Variants in IQCJ observed in about 807,000 individuals in gnomAD.
IQCJ encodes the protein IQ motif containing J.
IQCJ carries 9 observed loss-of-function variants against 11.0 expected under a neutral mutation model. That is an observed-to-expected ratio of 0.82 (90% confidence interval 0.49 to 1.43). IQCJ has a LOEUF of 1.43. IQCJ is among the 40% of genes most tolerant of loss of function. The pLI is 0.00. For missense variants in IQCJ, 146 were observed against 133.2 expected (o/e 1.10, Z -0.47); for synonymous variants, 55 against 51.3 (o/e 1.07, Z -0.31).
chr3:159,132,624 C>CT (rs1165749203), intron 1 of IQCJ, among the ~76,000 whole-genome samples: 3 of 152,194 alleles, frequency 2.0e-5, no homozygotes, highest in Non-Finnish European at 4.4e-5. Flanking sequence ...TGGAAAGAGC[C>CT]TTACTGATCA....
At chr3:159,133,659 A>G (rs1955513156) in intron 1 of IQCJ, among the ~76,000 whole-genome samples, 2 of 152,154 alleles carry the variant, frequency 1.3e-5, no homozygotes, top group South Asian at 4.1e-4. Context: ...TGGGAGGAAC[A>G]TTTTATAGTT....
chr3:159,201,627 CTTTTTTTTT>C (rs71144478), intron 1 of IQCJ, among the ~76,000 whole-genome samples: 4 of 70,314 alleles, frequency 5.7e-5, no homozygotes, highest in Admixed American at 2.1e-4. Context: ...GATAATGATT[CTTTTTTTTT>C]TTTTTTTTTT....
At chr3:159,165,213 A>C (rs1175924197) in intron 1 of IQCJ, among the ~76,000 whole-genome samples, 2 of 152,242 alleles carry the variant, frequency 1.3e-5, no homozygotes, top group African/African-American at 4.8e-5. Context: ...ACATACCCTA[A>C]GCTCAATTGC....
At chr3:159,209,829 T>C (rs920774151) in intron 1 of IQCJ, among the ~76,000 whole-genome samples, 2 of 152,146 alleles carry the variant, frequency 1.3e-5, no homozygotes, top group Non-Finnish European at 2.9e-5. Flanking sequence ...GAGCCAAAGA[T>C]CCTCCTGTAG....
intron 1 of IQCJ, among the ~76,000 whole-genome samples, chr3:159,190,830 A>G (rs1029830106): frequency 6.6e-6 from 1 of 152,208 alleles, no homozygotes; most frequent in East Asian, 1.9e-4. Context: ...TCAGGAGTAA[A>G]AGATATTTAG....
In IQCJ at chr3:159,107,743, C is replaced by T. The variant is rs115496557; in HGVS notation, c.9+38302C>T. On this transcript the variant is annotated intron_variant, in intron 1 of 3. Transcript: ENST00000397832. ...TCCATTTTATGGATGAAGAAACTGA[C>T]GTACAGAGAGGGTTAGCACATTACC... is the stretch of plus-strand genomic sequence containing the variant. Among the ~76,000 whole-genome samples the T allele has an allele frequency of 6.4e-3, 967 of 152,190 alleles. 4 individuals carry two copies. The highest frequency in any genetic ancestry group is 0.021 in the African/African-American group (854 of 41,534).
At chr3:159,084,583 A>G (rs1429472953) in intron 1 of IQCJ, among the ~76,000 whole-genome samples, 1 of 152,132 alleles carries the variant, frequency 6.6e-6, no homozygotes, top group East Asian at 1.9e-4. Context: ...TACTATTATT[A>G]TATCCACTTT....
chr3:159,216,177 A>G (rs910048587), intron 1 of IQCJ, among the ~76,000 whole-genome samples: 2 of 151,808 alleles, frequency 1.3e-5, no homozygotes, highest in Admixed American at 6.6e-5. Context: ...CAGGCATCCA[A>G]TGGGCTTGCC....
At position 159,263,144 on chromosome 3, in the gene IQCJ, T is replaced by A; in HGVS notation, c.*413T>A. ...TCTCCAGGGGCCAGGTAAGTCACCC[T>A]CATGACTGAGGTGGCTGAGCTGTGC... On this transcript the variant is annotated 3_prime_UTR_variant, in exon 4 of 4. Transcript: ENST00000397832. The A allele has an allele frequency of 2.3e-6, 2 of 858,898 alleles. No individual in the cohort carries two copies. The allele number at this position is 858,898 out of a possible 1,614,324, so 53.2% of individuals were successfully genotyped here.
chr3:159,072,696 A>G (rs1235746276), intron 1 of IQCJ, among the ~76,000 whole-genome samples: 2 of 152,194 alleles, frequency 1.3e-5, no homozygotes, highest in Non-Finnish European at 2.9e-5. Context: ...GCACTGCACT[A>G]AATACTTTAA....
intron 2 of IQCJ, among the ~76,000 whole-genome samples, chr3:159,252,350 A>C (rs554853326): frequency 6.6e-6 from 1 of 152,310 alleles, no homozygotes; most frequent in East Asian, 1.9e-4. Flanking sequence ...ACTACTGGGG[A>C]TGAGTAAGGT....
intron 1 of IQCJ, among the ~76,000 whole-genome samples, chr3:159,202,642 C>A (rs1411501284): frequency 6.6e-6 from 1 of 152,114 alleles, no homozygotes; most frequent in African/African-American, 2.4e-5. Context: ...TAGTGGCAAG[C>A]TAAGCAATTT....
intron 3 of IQCJ, among the ~76,000 whole-genome samples, chr3:159,256,550 C>T (rs538445510): frequency 1.3e-5 from 2 of 152,318 alleles, no homozygotes; most frequent in African/African-American, 2.4e-5. Flanking sequence ...GTTCAAATCC[C>T]AGCTCTGCTT....
intron 1 of IQCJ, among the ~76,000 whole-genome samples, chr3:159,116,630 A>G (rs1315307580): frequency 7.4e-5 from 2 of 27,150 alleles, no homozygotes; most frequent in African/African-American, 1.9e-4. Flanking sequence ...ATATATATAT[A>G]TATATATATA....
At chr3:159,075,268 G>A (rs1397960331) in intron 1 of IQCJ, among the ~76,000 whole-genome samples, 1 of 152,074 alleles carries the variant, frequency 6.6e-6, no homozygotes, top group Non-Finnish European at 1.5e-5. Flanking sequence ...ATTCTTCCAG[G>A]CTGACTTGTT....
At chr3:159,192,083 T>C (rs1723723394) in intron 1 of IQCJ, among the ~76,000 whole-genome samples, 2 of 151,830 alleles carry the variant, frequency 1.3e-5, no homozygotes, top group African/African-American at 4.9e-5. Flanking sequence ...ATCTATGCTC[T>C]TAGAAAAGTT....
intron 1 of IQCJ, among the ~76,000 whole-genome samples, chr3:159,077,321 C>T (rs1229252515): frequency 6.6e-6 from 1 of 152,126 alleles, no homozygotes; most frequent in Non-Finnish European, 1.5e-5. Flanking sequence ...TTGATTAGCA[C>T]CTCCCTTTTG....
At chr3:159,153,356 C>A (rs1393345374) in intron 1 of IQCJ, among the ~76,000 whole-genome samples, 1 of 152,160 alleles carries the variant, frequency 6.6e-6, no homozygotes, top group African/African-American at 2.4e-5. Context: ...ATACAATATT[C>A]TAATGGATAC....
intron 1 of IQCJ, among the ~76,000 whole-genome samples, chr3:159,083,930 G>T (rs1394177070): frequency 6.6e-6 from 1 of 152,064 alleles, no homozygotes; most frequent in Non-Finnish European, 1.5e-5. Context: ...AGGCGGGTGG[G>T]CCGTAAAAGG....
Sources: gnomAD v4.1 joint callset for allele counts (sites outside exome capture counted in the v4.1 genomes callset) on GRCh38, gnomAD v4.1.1 for gene constraint, MANE v1.5 for transcripts, NCBI Gene and HGNC (gene_info 2026-07-23, HGNC 2026-07-21) for gene names.